Variants in KLHDC4 observed in about 807,000 individuals in gnomAD.
The protein encoded by KLHDC4 is kelch domain-containing protein 4.
A neutral mutation model predicts 62.4 loss-of-function variants in KLHDC4; 90 were observed. The observed-to-expected ratio is 1.44, with a 90% CI of 1.22 to 1.72. KLHDC4 has a LOEUF of 1.72. Among genes scored for constraint, KLHDC4 ranks in the 40% most tolerant of loss-of-function variants. The probability of loss-of-function intolerance (pLI) is 0.00; values close to 1 mark genes in which losing one functional copy is unlikely to be tolerated. For synonymous variants in KLHDC4, 386 were observed against 284.4 expected, an observed-to-expected ratio of 1.36 and a Z score of -3.59; for missense variants, 1,025 against 699.7, an observed-to-expected ratio of 1.47 and a Z score of -5.25.
intron 8 of KLHDC4, among the ~76,000 whole-genome samples, chr16:87,712,167 C>G (rs1369663186): frequency 6.6e-6 from 1 of 152,234 alleles, no homozygotes; most frequent in Non-Finnish European, 1.5e-5. Context: ...TATGTTCTCT[C>G]TTGGCACGCG....
intron 11 of KLHDC4, 21 bp from the exon 12 acceptor site, chr16:87,708,096 A>T: frequency 1.6e-6 from 1 of 626,634 alleles, no homozygotes; most frequent in Non-Finnish European, 3.0e-6. Flanking sequence ...AGGAGGAAGG[A>T]ATGAGAGAGA....
intron 10 of KLHDC4, among the ~76,000 whole-genome samples, chr16:87,708,944 A>G (rs1283848419): frequency 3.9e-5 from 6 of 152,246 alleles, no homozygotes. Flanking sequence ...GCTCAGACCC[A>G]GGGCCTCGGG....
intron 6 of KLHDC4, 48 bp downstream of exon 6, chr16:87,730,504 C>A (rs373311449): frequency 2.1e-6 from 3 of 1,458,046 alleles, no homozygotes; most frequent in Non-Finnish European, 2.8e-6. Context: ...AAAAAGCCCA[C>A]TCCTTAATGC....
At chr16:87,701,932 G>A (rs1433249492) in exon 1 of KLHDC4, 1 of 456,194 alleles carries the variant, frequency 2.2e-6, no homozygotes, top group Non-Finnish European at 4.4e-6. Flanking sequence ...GGCCCTCCCA[G>A]CAGTGGTAGA....
intron 5 of KLHDC4, among the ~76,000 whole-genome samples, chr16:87,736,109 T>G (rs537318713): frequency 1.3e-5 from 2 of 152,310 alleles, no homozygotes; most frequent in African/African-American, 4.8e-5. Context: ...TTAGGCGACC[T>G]TGTCATTGTG....
chr16:87,759,576 G>A (rs917520440), intron 2 of KLHDC4, among the ~76,000 whole-genome samples: 7 of 152,060 alleles, frequency 4.6e-5, no homozygotes, highest in African/African-American at 9.7e-5. Flanking sequence ...GAGAAACTCC[G>A]TCTCTACTAA....
At position 87,708,569 on chromosome 16, in the gene KLHDC4, T is replaced by A. The variant is rs1342374188; in HGVS notation, c.1448-103A>T. On this transcript the variant is annotated intron_variant, in intron 10 of 11. Transcript: ENST00000270583. The stretch of plus-strand genomic sequence containing the variant: ...ACGTCCTGGGGGGATTCCATTTTCT[T>A]AAGAACCATAATGTGAAACCTAACT... 5.7e-6 allele frequency: 4 copies of A among 707,542 alleles called. No individual in the cohort carries two copies. The East Asian group carries it at 8.9e-5, about 16-fold the overall frequency. 43.8% of individuals were successfully genotyped at this position (707,542 alleles called of 1,614,324 possible). A position where few individuals can be genotyped will look rare whatever the true frequency, so the allele number is the denominator to read the frequency against.
chr16:87,705,779 C>CT (rs1232365134), downstream of KLHDC4, among the ~76,000 whole-genome samples: 2 of 149,914 alleles, frequency 1.3e-5, no homozygotes, highest in African/African-American at 4.9e-5. Flanking sequence ...GCCGCAGAGC[C>CT]GGGCAGGGCC....
At chr16:87,762,381 C>A (rs186967960) in intron 1 of KLHDC4, among the ~76,000 whole-genome samples, 1 of 152,286 alleles carries the variant, frequency 6.6e-6, no homozygotes, top group Admixed American at 6.5e-5. Context: ...GCCGTCGCAC[C>A]TGCCAGCCTT....
chr16:87,701,609 TGG>T, exon 1 of KLHDC4: 2 of 434,122 alleles, frequency 4.6e-6, no homozygotes, highest in Non-Finnish European at 9.4e-6. Flanking sequence ...GTCGGCAGAG[TGG>T]GCCAGGCAAC....
In KLHDC4 at chr16:87,748,773, C is replaced by G; in HGVS notation, c.406G>C (p.Val136Leu). 6.2e-7 allele frequency: 1 copy of G among 1,613,238 alleles called. No homozygotes were observed. Among genetic ancestry groups the G allele is most frequent in the Non-Finnish European group, 8.5e-7 (1 of 1,179,820 alleles). Residue 136 changes from valine to leucine, a missense_variant, in exon 5 of 12, where the codon GTC becomes CTC. Coordinates refer to ENST00000270583, the MANE Select transcript of KLHDC4 (RefSeq NM_017566.4). ...GGAGAGGCAAACTCCCCTCCAAAGA[C>G]CCACAGCTGTCCGCCACCTTGAGGC... ...VVPQGGGQLW[V>L]FGGEFASPNG...
Position 87,756,459 on chromosome 16 carries a change from C to T in KLHDC4, c.210G>A (p.Ser70=), listed in dbSNP as rs775705695. ...PPSPRLNASL[S]VHPEKDELIL... ...TTAACTCATCTTTCTCAGGATGAAC[C>T]GAGAGGGAGGCATTTAACCTACAAG... The change falls in exon 3 of 12, where the codon TCG becomes TCA. Residue 70 remains serine, a synonymous_variant. Coordinates refer to ENST00000270583, the MANE Select transcript of KLHDC4 (RefSeq NM_017566.4). 2.0e-5 allele frequency: 32 copies of T among 1,613,798 alleles called. No individual in the cohort carries two copies. Among genetic ancestry groups the T allele is most frequent in the African/African-American group, 4.0e-5 (3 of 74,994 alleles).
chr16:87,755,214 G>T lies in KLHDC4; in HGVS notation c.349C>A (p.Pro117Thr), dbSNP rs780015278. The change falls in exon 4 of 12, where the codon CCG (proline) becomes ACG (threonine). Residue 117 changes from proline (P) to threonine (T), a missense_variant. Physicochemically the swap from Pro to Thr is conservative, Grantham distance 38. Coordinates refer to ENST00000270583, the MANE Select transcript of KLHDC4 (RefSeq NM_017566.4). ...WTKVDIPSPP[P>T]RRCAHQAVVV... ...ATTACCTGGTGAGCACAGCGCCTCG[G>T]AGGTGGACTGGGGATGTCAACTTTG... 2 of 1,610,238 alleles carry T rather than the reference G, an allele frequency of 1.2e-6. No homozygotes were observed. Among genetic ancestry groups the T allele is most frequent in the Non-Finnish European group, 1.7e-6 (2 of 1,176,692 alleles).
Position 87,709,843 on chromosome 16 carries a change from C to T in KLHDC4, c.1045-176G>A, listed in dbSNP as rs114737507. The T allele has an allele frequency of 1.3e-3, 907 of 708,528 alleles. 2 individuals carry two copies. The African/African-American group carries it at 0.015, about 12-fold the overall frequency. 43.9% of individuals were successfully genotyped at this position (708,528 alleles called of 1,614,324 possible). On this transcript the variant is annotated intron_variant, in intron 9 of 11. Coordinates refer to ENST00000270583, the MANE Select transcript of KLHDC4 (RefSeq NM_017566.4). ...GGGTGCAGGCACTGGGCTGCAGGAG[C>T]ACGCTCCTGTCTCCCACTAGCCTCG...
chr16:87,701,834 G>A (rs1026750885), exon 1 of KLHDC4: 1 of 456,522 alleles, frequency 2.2e-6, no homozygotes, highest in South Asian at 1.5e-5. Context: ...CACCACCACT[G>A]CTCGTTAACA....
At chr16:87,754,741 T>G (rs2044588254) in intron 4 of KLHDC4, among the ~76,000 whole-genome samples, 1 of 152,202 alleles carries the variant, frequency 6.6e-6, no homozygotes, top group South Asian at 2.1e-4. Context: ...GACACTGCTC[T>G]CCTGGGTAGG....
At chr16:87,735,705 G>T (rs1192789855) in intron 5 of KLHDC4, among the ~76,000 whole-genome samples, 1 of 152,234 alleles carries the variant, frequency 6.6e-6, no homozygotes, top group African/African-American at 2.4e-5. Flanking sequence ...TCTCAAAACT[G>T]CTGTCATTCC....
At chr16:87,742,196 T>C (rs2042338100) in intron 5 of KLHDC4, among the ~76,000 whole-genome samples, 1 of 152,040 alleles carries the variant, frequency 6.6e-6, no homozygotes, top group Admixed American at 6.6e-5. Context: ...GCAGCAGCAC[T>C]GCACCAGGAT....
intron 4 of KLHDC4, among the ~76,000 whole-genome samples, chr16:87,753,757 C>T (rs1281733492): frequency 3.4e-5 from 5 of 149,110 alleles, no homozygotes; most frequent in African/African-American, 7.4e-5. Flanking sequence ...GCCAAGATCG[C>T]GCCACTGCAC....
Sources: allele counts gnomAD v4.1 joint callset (sites outside exome capture counted in the v4.1 genomes callset), GRCh38; gene constraint gnomAD v4.1.1; transcripts MANE v1.5; gene names NCBI Gene and HGNC (gene_info 2026-07-23, HGNC 2026-07-21).